The following MSH5 variants were observed in gnomAD, a reference collection of about 807,000 sequenced individuals.
The protein encoded by MSH5 is mutS protein homolog 5.
In MSH5, 78 loss-of-function variants were observed where a neutral mutation model predicts 107.7. That is an observed-to-expected ratio of 0.72 (90% CI 0.60 to 0.87). The LOEUF is 0.87. MSH5 is among the 40% of genes least tolerant of loss of function. MSH5 has a pLI of 0.00. For synonymous variants in MSH5, 326 were observed against 399.5 expected (o/e 0.82, Z 2.19); for missense variants, 889 against 1,046.6 (o/e 0.85, Z 2.08).
chr6:31,745,994 C>A (rs1809410821), intron 9 of MSH5: 2 of 152,216 alleles, frequency 1.3e-5, no homozygotes, highest in Admixed American at 1.3e-4. Context: ...TCTCGATCTC[C>A]TGACCTCGTG....
rs752501509 is a variant in MSH5, at chr6:31,761,445, G to A, written c.2038-27G>A. On this transcript the variant is annotated intron_variant, in intron 21 of 24. Coordinates refer to ENST00000375750, the MANE Select transcript of MSH5 (RefSeq NM_172166.4). The surrounding 1 kb of genome is among the most constrained non-coding windows in gnomAD (Gnocchi z 5.3). ...GGGCATATGGGGTCCCCATGGCTCC[G>A]AATGCTAACCTCTGCCCTCTTTGCA... 7 of 1,611,824 alleles carry A rather than the reference G, an allele frequency of 4.3e-6. No individual in the cohort carries two copies. The highest frequency in any genetic ancestry group is 1.7e-5 in the Admixed American group (1 of 59,988).
chr6:31,747,290 C>T, intron 9 of MSH5, 97 bp from the exon 10 acceptor site: 2 of 1,315,038 alleles, frequency 1.5e-6, no homozygotes, highest in Non-Finnish European at 2.2e-6. Context: ...CAACAACCAG[C>T]ACCTCTGACC....
In MSH5 at chr6:31,759,066, G is replaced by T. The variant is rs1298210516; in HGVS notation, c.1327-31G>T. 2 of 1,595,926 alleles carry T rather than the reference G, an allele frequency of 1.3e-6. No individual in the cohort carries two copies. Among genetic ancestry groups the T allele is most frequent in the Non-Finnish European group, 1.7e-6 (2 of 1,164,592 alleles). On this transcript the variant is annotated intron_variant, in intron 15 of 24. Transcript: ENST00000375750. The surrounding 1 kb of genome is among the most constrained non-coding windows in gnomAD (Gnocchi z 4.7). ...GTGTCCAGTAAGTCTCCAAGCAGGA[G>T]AGTAGAGTATCTCCTCTTTACTCTC...
At position 31,742,252 on chromosome 6, in the gene MSH5, G is replaced by T. The variant is rs11758142; in HGVS notation, c.272-625G>T. On this transcript the variant is annotated intron_variant, in intron 3 of 24. Transcript: ENST00000375750. ...ACAAATATTTGTGAGGCTGTTTTTT[G>T]GTTTGTTTGGTTGTTCTTTTTTGAG... is the stretch of plus-strand genomic sequence containing the variant. Among the ~76,000 whole-genome samples the T allele has an allele frequency of 6.4e-3, 966 of 152,094 alleles. 7 individuals carry two copies. The highest frequency in any genetic ancestry group is 0.024 in the Middle Eastern group (7 of 294).
At position 31,740,546 on chromosome 6, in the gene MSH5, C is replaced by T. The variant is rs1808762815; in HGVS notation, c.80C>T (p.Pro27Leu). The change falls in exon 2 of 25, where the codon CCG becomes CTG. Residue 27 changes from proline to leucine, a missense_variant. By Grantham distance (98) the Pro-to-Leu change is moderately conservative. This residue lies in a region of MSH5 where 518 missense variants were observed against 565.0 expected (regional missense o/e 0.92). Transcript: ENST00000375750. The surrounding 1 kb of genome is among the most constrained non-coding windows in gnomAD (Gnocchi z 4.4). ...GCGGCCTCCTCCGGCTTCCCCAGCC[C>T]GGCCCCAGTGCCGGGCCCCAGGGAG... ...PGAASSGFPS[P>L]APVPGPREAE... 2 of 1,530,048 alleles carry T rather than the reference C, an allele frequency of 1.3e-6. No homozygotes were observed. The highest frequency in any genetic ancestry group is 1.4e-5 in the African/African-American group (1 of 70,936). 94.8% of individuals were successfully genotyped at this position (1,530,048 alleles called of 1,614,324 possible). A position where few individuals can be genotyped will look rare whatever the true frequency, so the allele number is the denominator to read the frequency against.
At position 31,758,843 on chromosome 6, in the gene MSH5, A is replaced by T; in HGVS notation, c.1294A>T (p.Ile432Phe). ...GGAGCTGGAGAATCTGGACTCCCGT[A>T]TTCCTTCATGCAGTGTCATCTACAT... is the stretch of plus-strand genomic sequence containing the variant. Reference protein sequence around the residue: ...RKELENLDSRIPSCSVIYIPL... With the variant: ...RKELENLDSRFPSCSVIYIPL... The change falls in exon 15 of 25, where the codon ATT becomes TTT. Residue 432 changes from isoleucine to phenylalanine, a missense_variant. Physicochemically the swap from Ile to Phe is conservative, Grantham distance 21 (BLOSUM62 0). This residue lies in a region of MSH5 where 518 missense variants were observed against 565.0 expected (regional missense o/e 0.92). Transcript: ENST00000375750. This position sits in a 1 kb window ranked among gnomAD's most constrained non-coding sequence, Gnocchi z 5.1. 1 of 1,614,178 alleles carries T rather than the reference A, an allele frequency of 6.2e-7. No individual in the cohort carries two copies. Among genetic ancestry groups the T allele is most frequent in the Non-Finnish European group, 8.5e-7 (1 of 1,180,020 alleles).
At position 31,761,283 on chromosome 6, in the gene MSH5, G is replaced by C. The variant is rs751810623; in HGVS notation, c.2037+21G>C. On this transcript the variant is annotated intron_variant, in intron 21 of 24. Transcript: ENST00000375750. This position sits in a 1 kb window ranked among gnomAD's most constrained non-coding sequence, Gnocchi z 5.3. The stretch of plus-strand genomic sequence containing the variant: ...ACACGGTGAGGGGAGAAACTGATGA[G>C]GGGAGAAACTAAGGAGGGGAAAATG... 4 of 1,612,778 alleles carry C rather than the reference G, an allele frequency of 2.5e-6. No homozygotes were observed. The highest frequency in any genetic ancestry group is 3.4e-6 in the Non-Finnish European group (4 of 1,179,512).
intron 3 of MSH5, 49 bp downstream of exon 3, chr6:31,741,335 TTACACACA>T (rs749422879): frequency 1.4e-6 from 2 of 1,417,344 alleles, no homozygotes; most frequent in Non-Finnish European, 1.9e-6. Context: ...TGCAGATGTG[TTACACACA>T]CACACACACA....
At chr6:31,745,148 C>A (rs1809311426) in intron 8 of MSH5, 89 bp from the exon 9 acceptor site, 1 of 777,064 alleles carries the variant, frequency 1.3e-6, no homozygotes, top group Non-Finnish European at 2.3e-6. Context: ...AGGAGGATAT[C>A]CCCTGTCCCC....
Position 31,758,046 on chromosome 6 carries a change from T to C in MSH5, c.1015-119T>C. 4 of 1,275,548 alleles carry C rather than the reference T, an allele frequency of 3.1e-6. No individual in the cohort carries two copies. The highest frequency in any genetic ancestry group is 4.4e-6 in the Non-Finnish European group (4 of 905,886). 79.0% of individuals were successfully genotyped at this position (1,275,548 alleles called of 1,614,324 possible). ...TCACTGTTTCTTTTTGCCTTTGAGA[T>C]CTTCCCTCTTTGTTACTGTGATCTT... On this transcript the variant is annotated intron_variant, in intron 12 of 24. Coordinates refer to ENST00000375750, the MANE Select transcript of MSH5 (RefSeq NM_172166.4). The surrounding 1 kb of genome is among the most constrained non-coding windows in gnomAD (Gnocchi z 5.1).
intron 9 of MSH5, among the ~76,000 whole-genome samples, chr6:31,745,526 A>G (rs966443511): frequency 1.3e-5 from 2 of 151,504 alleles, no homozygotes; most frequent in Non-Finnish European, 2.9e-5. Flanking sequence ...GTGTTGTTGC[A>G]TATCAGCCAT....
intron 10 of MSH5, among the ~76,000 whole-genome samples, chr6:31,749,612 G>A (rs1250331176): frequency 1.3e-5 from 2 of 151,772 alleles, no homozygotes; most frequent in Non-Finnish European, 2.9e-5. Context: ...ACAGGTACCT[G>A]TAAGGAGTTG....
At position 31,740,742 on chromosome 6, in the gene MSH5, C is replaced by T; in HGVS notation, c.147+129C>T. On this transcript the variant is annotated intron_variant, in intron 2 of 24. Transcript: ENST00000375750. The surrounding 1 kb of genome is among the most constrained non-coding windows in gnomAD (Gnocchi z 4.4). ...TTGGGAGACTGAGGCGGGCGGATCA[C>T]CTGAGCTCAGGAGTTGGAGACCAGC... 2 of 1,093,546 alleles carry T rather than the reference C, an allele frequency of 1.8e-6. No individual in the cohort carries two copies. Among genetic ancestry groups the T allele is most frequent in the South Asian group, 1.9e-5 (1 of 51,646 alleles). 67.7% of individuals were successfully genotyped at this position (1,093,546 alleles called of 1,614,324 possible).
In MSH5 at chr6:31,758,201, C is replaced by G. The variant is rs28399976; in HGVS notation, c.1051C>G (p.Arg351Gly). ...TGCCCTGGGCCTGAGGGATGCCTGC[C>G]GCTCCCTGCCGCAGTCCATCCAGCT... ...YSALGLRDACRSLPQSIQLFR... is the reference protein window; with the variant it reads ...YSALGLRDACGSLPQSIQLFR... Residue 351 changes from arginine to glycine, a missense_variant, in exon 13 of 25, where the codon CGC becomes GGC. Arg to Gly is a moderately radical substitution (Grantham distance 125). This residue lies in a region of MSH5 where 518 missense variants were observed against 565.0 expected (regional missense o/e 0.92). Transcript: ENST00000375750. The surrounding 1 kb of genome is among the most constrained non-coding windows in gnomAD (Gnocchi z 5.1). The G allele has an allele frequency of 0.015, 24,667 of 1,613,010 alleles. 279 individuals are homozygous for G. The highest frequency in any genetic ancestry group is 0.042 in the South Asian group (3,797 of 91,086).
At position 31,759,247 on chromosome 6, in the gene MSH5, C is replaced by T; in HGVS notation, c.1407+70C>T. On this transcript the variant is annotated intron_variant, in intron 16 of 24. Coordinates refer to ENST00000375750, the MANE Select transcript of MSH5 (RefSeq NM_172166.4). This position sits in a 1 kb window ranked among gnomAD's most constrained non-coding sequence, Gnocchi z 4.7. ...TCAGCAGCTGAGGAAGAGCGTTACT[C>T]TACAGCAGCACTGCCCAATATGGGA... is the stretch of plus-strand genomic sequence containing the variant. 6.9e-7 allele frequency: 1 copy of T among 1,451,936 alleles called. No individual in the cohort carries two copies. The highest frequency in any genetic ancestry group is 1.7e-4 in the Middle Eastern group (1 of 5,744). The allele number at this position is 1,451,936 out of a possible 1,614,324, so 89.9% of individuals were successfully genotyped here.
chr6:31,761,049 C>A lies in MSH5; in HGVS notation c.1963-139C>A. Reference sequence around the variant, plus strand: ...AGTCACTGTTGGCAAAGAGGATGAACAAAGCGTGCACCTCACCATTCAAGA... The same window carrying A: ...AGTCACTGTTGGCAAAGAGGATGAAAAAAGCGTGCACCTCACCATTCAAGA... On this transcript the variant is annotated intron_variant, in intron 20 of 24. Transcript: ENST00000375750. The surrounding 1 kb of genome is among the most constrained non-coding windows in gnomAD (Gnocchi z 5.3). 2 of 1,003,874 alleles carry A rather than the reference C, an allele frequency of 2.0e-6. No homozygotes were observed. Among genetic ancestry groups the A allele is most frequent in the Non-Finnish European group, 2.9e-6 (2 of 679,096 alleles). 62.2% of individuals were successfully genotyped at this position (1,003,874 alleles called of 1,614,324 possible).
chr6:31,761,718 C>G lies in MSH5; in HGVS notation c.2182-100C>G. ...AACAAGGGCTCCCTCAGCACAGAGA[C>G]CACATCCCTTCCCTTTTCTCCCTCC... On this transcript the variant is annotated intron_variant, in intron 22 of 24. Transcript: ENST00000375750. This position sits in a 1 kb window ranked among gnomAD's most constrained non-coding sequence, Gnocchi z 5.3. 1 of 1,612,392 alleles carries G rather than the reference C, an allele frequency of 6.2e-7. No homozygotes were observed. Among genetic ancestry groups the G allele is most frequent in the Non-Finnish European group, 8.5e-7 (1 of 1,179,114 alleles).
chr6:31,743,986 C>T lies in MSH5; in HGVS notation c.498C>T (p.Leu166=), dbSNP rs1250580798. The part of the protein sequence containing the change: ...PDAMTATEKI[L]FLSSIIPFDC... Reference sequence around the variant, plus strand: ...CCATGACTGCCACTGAGAAAATCCTCTTCCTCTCTTCCATTATTCCCTTTG... The same window carrying T: ...CCATGACTGCCACTGAGAAAATCCTTTTCCTCTCTTCCATTATTCCCTTTG... Residue 166 remains leucine, a synonymous_variant, in exon 6 of 25, where the codon CTC becomes CTT. Transcript: ENST00000375750. 6.2e-7 allele frequency: 1 copy of T among 1,614,114 alleles called. No individual in the cohort carries two copies. The highest frequency in any genetic ancestry group is 1.1e-5 in the South Asian group (1 of 91,084).
chr6:31,761,568 C>T lies in MSH5; in HGVS notation c.2134C>T (p.Leu712Phe). Reference sequence around the variant, plus strand: ...CTTTGTGGCCACCAACTTTCTGAGCCTTGTTCAGCTACAACTGCTGCCACA... The same window carrying T: ...CTTTGTGGCCACCAACTTTCTGAGCTTTGTTCAGCTACAACTGCTGCCACA... ...HIFVATNFLS[L>F]VQLQLLPQGP... Residue 712 changes from leucine (L) to phenylalanine (F), a missense_variant, in exon 22 of 25, where the codon CTT becomes TTT. Physicochemically the swap from Leu to Phe is conservative, Grantham distance 22. Around this residue, in one of 3 missense-constraint regions of MSH5, gnomAD observed 362 missense variants for 456.2 expected, o/e 0.79. Coordinates refer to ENST00000375750, the MANE Select transcript of MSH5 (RefSeq NM_172166.4). The surrounding 1 kb of genome is among the most constrained non-coding windows in gnomAD (Gnocchi z 5.3). 1.2e-6 allele frequency: 2 copies of T among 1,614,030 alleles called. No homozygotes were observed. Among genetic ancestry groups the T allele is most frequent in the East Asian group, 4.5e-5 (2 of 44,880 alleles).
Sources: gnomAD v4.1 joint callset for allele counts (sites outside exome capture counted in the v4.1 genomes callset) on GRCh38, gnomAD v4.1.1 for gene constraint, gnomAD v4.1.1 regional missense constraint, Gnocchi (gnomAD v3.1) non-coding constraint, MANE v1.5 for transcripts, NCBI Gene and HGNC (gene_info 2026-07-23, HGNC 2026-07-21) for gene names.